ATP8B1: variants seen among roughly 807,000 people sequenced by gnomAD.
ATP8B1 encodes the protein ATPase phospholipid transporting 8B1.
A neutral mutation model predicts 149.9 loss-of-function variants in ATP8B1; 80 were observed. That is an observed-to-expected ratio of 0.53 (90% confidence interval 0.45 to 0.64). The LOEUF is 0.64. ATP8B1 is among the 30% of genes least tolerant of loss of function. The probability of loss-of-function intolerance (pLI) is 0.00; values close to 1 mark genes in which losing one functional copy is unlikely to be tolerated. For missense variants in ATP8B1, 1,247 were observed against 1,552.6 expected, an observed-to-expected ratio of 0.80 and a Z score of 3.31; for synonymous variants, 536 against 562.8, an observed-to-expected ratio of 0.95 and a Z score of 0.67.
At chr18:57,721,903 G>C (rs1407923817) in intron 2 of ATP8B1, among the ~76,000 whole-genome samples, 1 of 115,420 alleles carries the variant, frequency 8.7e-6, no homozygotes, top group Non-Finnish European at 1.7e-5. Context: ...CTATCTCTCA[G>C]ACCACAGTGC....
At chr18:57,745,509 C>T (rs894378043) in intron 1 of ATP8B1, among the ~76,000 whole-genome samples, 2 of 152,020 alleles carry the variant, frequency 1.3e-5, no homozygotes, top group Non-Finnish European at 2.9e-5. Context: ...TGACCTCAGG[C>T]GATCTGCCTG....
chr18:57,669,259 AT>A, intron 18 of ATP8B1, 58 bp downstream of exon 18: 1 of 1,497,824 alleles, frequency 6.7e-7, no homozygotes, highest in East Asian at 2.3e-5. Flanking sequence ...ATAAAACTTA[AT>A]AAAAATTTCA....
chr18:57,715,955 G>T (rs1353479802), intron 2 of ATP8B1, among the ~76,000 whole-genome samples: 2 of 152,134 alleles, frequency 1.3e-5, no homozygotes, highest in Non-Finnish European at 2.9e-5. Context: ...ATAACACTGT[G>T]ACTGTGACAT....
chr18:57,757,209 T>C (rs1568056936), intron 1 of ATP8B1, among the ~76,000 whole-genome samples: 1 of 152,234 alleles, frequency 6.6e-6, no homozygotes, highest in Non-Finnish European at 1.5e-5. Context: ...GGTGTCCACA[T>C]GGTCCCTGGT....
chr18:57,682,682 A>G (rs432348), intron 15 of ATP8B1, among the ~76,000 whole-genome samples: 61,663 of 151,856 alleles, frequency 0.41, 12,890 homozygotes, highest in East Asian at 0.66. Flanking sequence ...GCCCCTTTCT[A>G]TCCTTCCCCA....
intron 21 of ATP8B1, among the ~76,000 whole-genome samples, chr18:57,662,268 T>A (rs1910505126): frequency 6.6e-6 from 1 of 152,182 alleles, no homozygotes; most frequent in Admixed American, 6.5e-5. Context: ...AAAAAACCCA[T>A]TAATTAGTAA....
intron 2 of ATP8B1, among the ~76,000 whole-genome samples, chr18:57,728,442 A>G (rs1025803177): frequency 6.6e-6 from 1 of 152,144 alleles, no homozygotes; most frequent in East Asian, 1.9e-4. Context: ...GGGAAAGGAA[A>G]GAGGGATGAA....
At chr18:57,754,439 CAA>C (rs749830355) in intron 1 of ATP8B1, among the ~76,000 whole-genome samples, 8 of 62,826 alleles carry the variant, frequency 1.3e-4, no homozygotes, top group African/African-American at 2.1e-4. Context: ...CTCTGTCTAA[CAA>C]AAAAATATAT....
chr18:57,652,767 A>G (rs959005804), intron 24 of ATP8B1, 38 bp from the exon 25 acceptor site: 2 of 1,613,604 alleles, frequency 1.2e-6, no homozygotes, highest in African/African-American at 1.3e-5. Context: ...TTTATTCATC[A>G]GGTCAAAGCA....
intron 16 of ATP8B1, among the ~76,000 whole-genome samples, chr18:57,672,918 ATATATATATAT>A (rs1568189321): frequency 1.5e-4 from 10 of 66,660 alleles, no homozygotes; most frequent in East Asian, 1.4e-3. Flanking sequence ...ATATATATAT[ATATATATATAT>A]ATAACATGTA....
intron 27 of ATP8B1, 147 bp downstream of exon 27, chr18:57,650,220 T>G: frequency 1.9e-6 from 2 of 1,034,778 alleles, no homozygotes; most frequent in Non-Finnish European, 2.8e-6. Context: ...AAGACTTATT[T>G]GTGAGATAGA....
chr18:57,796,929 G>T (rs533666808), intron 1 of ATP8B1, among the ~76,000 whole-genome samples: 2 of 152,334 alleles, frequency 1.3e-5, no homozygotes, highest in African/African-American at 4.8e-5. Context: ...GGGATTACAG[G>T]TGTTAGCTAT....
At chr18:57,732,921 T>C (rs2079803617) in intron 1 of ATP8B1, among the ~76,000 whole-genome samples, 1 of 152,180 alleles carries the variant, frequency 6.6e-6, no homozygotes, top group Admixed American at 6.5e-5. Context: ...ATATCTGGTT[T>C]CTGCTAACAC....
chr18:57,677,754 A>G (rs749618139), intron 15 of ATP8B1, among the ~76,000 whole-genome samples: 1 of 152,196 alleles, frequency 6.6e-6, no homozygotes, highest in South Asian at 2.1e-4. Flanking sequence ...CAAACTATTT[A>G]ACCAGAGACA....
chr18:57,687,393 T>C (rs1912304802), intron 13 of ATP8B1, among the ~76,000 whole-genome samples: 1 of 152,240 alleles, frequency 6.6e-6, no homozygotes, highest in Admixed American at 6.5e-5. Context: ...AACCCATTTA[T>C]GCCTAGTGTT....
intron 1 of ATP8B1, among the ~76,000 whole-genome samples, chr18:57,791,018 G>A (rs1259689211): frequency 6.6e-6 from 1 of 151,876 alleles, no homozygotes; most frequent in Admixed American, 6.6e-5. Context: ...CACCGCGTCC[G>A]GCCTTATTGC....
chr18:57,769,274 G>A (rs916016429), intron 1 of ATP8B1, among the ~76,000 whole-genome samples: 9 of 152,154 alleles, frequency 5.9e-5, no homozygotes, highest in Non-Finnish European at 1.3e-4. Flanking sequence ...CCTCAGAGCC[G>A]TATTTCCTCC....
rs1168712389 is a variant in ATP8B1 at position 57,674,256 on chromosome 18, AAAG to A, written c.1819+575_1819+577del. ...GACTCCATCTCAAAAAAAAAAAAAAAAAGAAAAGAAAAGAAAAAAAAGAGAGGG... is the reference window on the plus strand; with the variant it reads ...GACTCCATCTCAAAAAAAAAAAAAAAAAAAGAAAAGAAAAAAAAGAGAGGG... On this transcript the variant is annotated intron_variant, in intron 16 of 27. Transcript: ENST00000648908. 1.6e-3 allele frequency among the ~76,000 whole-genome samples: 233 copies of A among 143,382 alleles called. 1 individual carries two copies. The highest frequency in any genetic ancestry group is 5.3e-3 in the African/African-American group (201 of 37,960). 94.1% of individuals were successfully genotyped at this position (143,382 alleles called of 152,430 possible). A position where few individuals can be genotyped will look rare whatever the true frequency, so the allele number is the denominator to read the frequency against.
chr18:57,756,672 T>TCTCC (rs71171083), intron 1 of ATP8B1, among the ~76,000 whole-genome samples: 1 of 151,862 alleles, frequency 6.6e-6, no homozygotes, highest in Non-Finnish European at 1.5e-5. Flanking sequence ...TCTCTCTCTC[T>TCTCC]TTTTAAAACT....
Sources: gnomAD v4.1 joint callset for allele counts (sites outside exome capture counted in the v4.1 genomes callset) on GRCh38, gnomAD v4.1.1 for gene constraint, MANE v1.5 for transcripts, NCBI Gene and HGNC (gene_info 2026-07-23, HGNC 2026-07-21) for gene names.